Variants in LRRTM4 observed in about 807,000 individuals in gnomAD.
LRRTM4 encodes the protein leucine-rich repeat transmembrane neuronal protein 4.
A neutral mutation model predicts 47.6 loss-of-function variants in LRRTM4; 25 were observed. The ratio of observed to expected loss-of-function variants is 0.53; its 90% CI spans 0.38 to 0.73. The LOEUF is 0.73. Ranked by LOEUF, LRRTM4 falls within the 30% of genes least tolerant of loss-of-function variation. The pLI is 0.00. For missense variants in LRRTM4, 638 were observed against 713.4 expected (o/e 0.89, Z 1.20); for synonymous variants, 311 against 269.5 (o/e 1.15, Z -1.51).
intron 3 of LRRTM4, among the ~76,000 whole-genome samples, chr2:76,880,319 C>T (rs964583919): frequency 6.6e-6 from 1 of 152,146 alleles, no homozygotes; most frequent in Non-Finnish European, 1.5e-5. Context: ...AACCACCACT[C>T]TAATTAGTCA....
At chr2:76,918,706 ATG>A (rs1558737992) in intron 3 of LRRTM4, among the ~76,000 whole-genome samples, 1 of 152,138 alleles carries the variant, frequency 6.6e-6, no homozygotes, top group Non-Finnish European at 1.5e-5. Flanking sequence ...CCTACCTCAC[ATG>A]ACAGAAGCTA....
At chr2:77,041,266 T>C (rs899862418) in intron 3 of LRRTM4, among the ~76,000 whole-genome samples, 2 of 151,606 alleles carry the variant, frequency 1.3e-5, no homozygotes, top group Non-Finnish European at 3.0e-5. Context: ...TTCTTTCTTA[T>C]GGCCAAATAG....
chr2:77,300,283 C>T (rs773145379), intron 3 of LRRTM4, among the ~76,000 whole-genome samples: 6 of 152,172 alleles, frequency 3.9e-5, no homozygotes, highest in Non-Finnish European at 7.4e-5. Context: ...TTCATTAGAA[C>T]TGCTATCATA....
chr2:77,389,085 T>C (rs1282638600), intron 3 of LRRTM4, among the ~76,000 whole-genome samples: 1 of 152,072 alleles, frequency 6.6e-6, no homozygotes, highest in Admixed American at 6.6e-5. Context: ...ATTTTAAGTT[T>C]TATGAAAATC....
intron 3 of LRRTM4, among the ~76,000 whole-genome samples, chr2:76,930,322 G>A (rs779459649): frequency 3.3e-5 from 5 of 152,090 alleles, no homozygotes; most frequent in South Asian, 4.1e-4. Context: ...GCTCAGGTGC[G>A]TGTGCACGCA....
intron 3 of LRRTM4, among the ~76,000 whole-genome samples, chr2:77,434,245 G>GAAAAAA (rs34666020): frequency 6.9e-6 from 1 of 144,426 alleles, no homozygotes. Context: ...CCCAGATTGG[G>GAAAAAA]AAAAAAAAAA....
chr2:76,997,473 C>A (rs890326079), intron 3 of LRRTM4, among the ~76,000 whole-genome samples: 3 of 152,098 alleles, frequency 2.0e-5, no homozygotes, highest in Non-Finnish European at 4.4e-5. Flanking sequence ...AAATATGAAT[C>A]TGAAACCCTA....
chr2:77,303,264 A>C (rs1351282902), intron 3 of LRRTM4, among the ~76,000 whole-genome samples: 1 of 147,166 alleles, frequency 6.8e-6, no homozygotes, highest in East Asian at 2.0e-4. Context: ...TCCATCTCAA[A>C]ACAAACAAAC....
At chr2:77,491,689 C>T (rs1678168797) in intron 3 of LRRTM4, among the ~76,000 whole-genome samples, 1 of 151,342 alleles carries the variant, frequency 6.6e-6, no homozygotes, top group African/African-American at 2.4e-5. Context: ...CGACATTATA[C>T]CTATAAATAA....
intron 3 of LRRTM4, among the ~76,000 whole-genome samples, chr2:77,010,501 TACACACAC>T (rs34456976): frequency 0.027 from 3,754 of 139,880 alleles, 120 homozygotes; most frequent in East Asian, 0.13. Flanking sequence ...TTGTATTGTT[TACACACAC>T]ACACACACAC....
chr2:77,232,340 G>C (rs1425528704), intron 3 of LRRTM4, among the ~76,000 whole-genome samples: 1 of 152,168 alleles, frequency 6.6e-6, no homozygotes, highest in African/African-American at 2.4e-5. Context: ...TTTCTTCCTA[G>C]GAACAGAGTT....
chr2:76,931,504 C>A (rs540502461), intron 3 of LRRTM4, among the ~76,000 whole-genome samples: 65 of 152,140 alleles, frequency 4.3e-4, no homozygotes, highest in Non-Finnish European at 5.9e-4. Flanking sequence ...CCCTGCTGTG[C>A]CCGTAATGTG....
chr2:76,889,269 T>C (rs1400637767), intron 3 of LRRTM4, among the ~76,000 whole-genome samples: 1 of 151,952 alleles, frequency 6.6e-6, no homozygotes, highest in East Asian at 1.9e-4. Context: ...GAAAATGCTT[T>C]ACCACAAATC....
intron 3 of LRRTM4, among the ~76,000 whole-genome samples, chr2:76,796,169 C>G (rs1446239358): frequency 1.4e-5 from 2 of 144,076 alleles, no homozygotes; most frequent in African/African-American, 5.1e-5. Context: ...GGGTCCTACG[C>G]CCACAGAGCC....
chr2:77,119,282 T>G (rs1671466045), intron 3 of LRRTM4, among the ~76,000 whole-genome samples: 1 of 151,878 alleles, frequency 6.6e-6, no homozygotes, highest in South Asian at 2.1e-4. Flanking sequence ...AAATTTGTCA[T>G]GCACAGACAC....
chr2:77,448,635 C>CA (rs1676142301), intron 3 of LRRTM4, among the ~76,000 whole-genome samples: 1 of 149,830 alleles, frequency 6.7e-6, no homozygotes, highest in African/African-American at 2.4e-5. Flanking sequence ...TTTTCGCTAT[C>CA]AAAAAAAGAT....
chr2:76,923,760 T>A (rs1487096146), intron 3 of LRRTM4, among the ~76,000 whole-genome samples: 1 of 152,166 alleles, frequency 6.6e-6, no homozygotes, highest in African/African-American at 2.4e-5. Context: ...TTCCTTACTG[T>A]GTTTCACAAA....
At chr2:77,002,094 T>G (rs1451572578) in intron 3 of LRRTM4, among the ~76,000 whole-genome samples, 1 of 152,182 alleles carries the variant, frequency 6.6e-6, no homozygotes, top group Non-Finnish European at 1.5e-5. Flanking sequence ...ATGATGACTT[T>G]GCAAATCTTC....
At chr2:77,141,350 T>G (rs183872783) in intron 3 of LRRTM4, among the ~76,000 whole-genome samples, 18 of 152,002 alleles carry the variant, frequency 1.2e-4, no homozygotes, top group Admixed American at 1.1e-3. Context: ...AAACCATCAT[T>G]CTCAGCAAAC....
Sources: gnomAD v4.1 joint callset for allele counts (sites outside exome capture counted in the v4.1 genomes callset) on GRCh38, gnomAD v4.1.1 for gene constraint, MANE v1.5 for transcripts, NCBI Gene and HGNC (gene_info 2026-07-23, HGNC 2026-07-21) for gene names.